The following B4GALNT3 variants were observed in gnomAD, a reference collection of about 807,000 sequenced individuals.
B4GALNT3 encodes beta-1,4-N-acetyl-galactosaminyltransferase 3.
Under a neutral mutation model 120.2 loss-of-function variants are expected in B4GALNT3, and 86 were observed. The observed-to-expected ratio is 0.72, with a 90% CI of 0.60 to 0.86. B4GALNT3 has a LOEUF of 0.86. B4GALNT3 is among the 40% of genes least tolerant of loss of function. B4GALNT3 has a pLI of 0.00. For missense variants in B4GALNT3, 1,167 were observed against 1,298.9 expected (o/e 0.90, Z 1.56); for synonymous variants, 518 against 510.4 (o/e 1.01, Z -0.20).
At chr12:534,395 T>TCC (rs1407839845) in intron 1 of B4GALNT3, among the ~76,000 whole-genome samples, 8 of 152,128 alleles carry the variant, frequency 5.3e-5, no homozygotes, top group African/African-American at 1.9e-4. Context: ...GCCGCCGGAC[T>TCC]GATTCTCCCC....
At position 535,257 on chromosome 12, in the gene B4GALNT3, G is replaced by A. The variant is rs757547766; in HGVS notation, c.261G>A (p.Arg87=). Residue 87 remains arginine, a synonymous_variant, in exon 2 of 20, where the codon AGG becomes AGA. Coordinates refer to ENST00000266383, the MANE Select transcript of B4GALNT3 (RefSeq NM_173593.4). The part of the protein sequence containing the change: ...DPHLQFYHPQ[R]LSLEDHDIDQ... ...ACCTCCAGTTCTACCATCCCCAGAG[G>A]CTGAGCCTCGAGGTAGGTGACCAGC... 3.1e-6 allele frequency: 5 copies of A among 1,613,786 alleles called. No homozygotes were observed. The African/African-American group carries it at 5.3e-5, about 17-fold the overall frequency.
intron 1 of B4GALNT3, among the ~76,000 whole-genome samples, chr12:523,379 A>G (rs1946731076): frequency 1.3e-5 from 2 of 152,214 alleles, no homozygotes; most frequent in Non-Finnish European, 1.5e-5. Flanking sequence ...CCTTTTCTGA[A>G]GCGTGGATGT....
In B4GALNT3 at chr12:480,037, C is replaced by T. The variant is rs1304484252; in HGVS notation, c.169+19492C>T. ...CACGCCATTCTCCTGCCTCAGCCTC[C>T]GGAGTAGCTGGGACTACAGGCGCTC... On this transcript the variant is annotated intron_variant, in intron 1 of 19. Transcript: ENST00000266383. Among the ~76,000 whole-genome samples the T allele has an allele frequency of 2.6e-5, 4 of 151,534 alleles. No homozygotes were observed. In the South Asian group the frequency reaches 6.3e-4, roughly 24 times the overall value.
rs1362062417 is a variant in B4GALNT3 at position 562,482 on chromosome 12, T to C, written c.*1031T>C. Reference sequence around the variant, plus strand: ...AGAGCCCTGGCCACCCGGCCTTGAGTGGAAGAAGAGGAAAGGGTGTACGGG... The same window carrying C: ...AGAGCCCTGGCCACCCGGCCTTGAGCGGAAGAAGAGGAAAGGGTGTACGGG... On this transcript the variant is annotated 3_prime_UTR_variant, in exon 20 of 20. Coordinates refer to ENST00000266383, the MANE Select transcript of B4GALNT3 (RefSeq NM_173593.4). The surrounding 1 kb of genome is among the most constrained non-coding windows in gnomAD (Gnocchi z 5.2). The C allele has an allele frequency of 6.6e-6, 1 of 150,476 alleles. No homozygotes were observed. The highest frequency in any genetic ancestry group is 1.5e-5 in the Non-Finnish European group (1 of 67,712). 9.3% of individuals were successfully genotyped at this position (150,476 alleles called of 1,614,324 possible).
At position 558,496 on chromosome 12, in the gene B4GALNT3, A is replaced by G. The variant is rs779434616; in HGVS notation, c.2608-12A>G. On this transcript the variant is annotated splice_polypyrimidine_tract_variant and intron_variant, in intron 17 of 19. Transcript: ENST00000266383. The stretch of plus-strand genomic sequence containing the variant: ...TGCAGGGTCTGCTGACCCTGCCCAC[A>G]TCTGTCCCCAGGACCCGCACAGCAT... The G allele has an allele frequency of 9.3e-6, 15 of 1,613,398 alleles. No homozygotes were observed. The African/African-American group carries it at 1.2e-4, about 13-fold the overall frequency.
chr12:546,978 C>T, intron 7 of B4GALNT3: 1 of 512,028 alleles, frequency 2.0e-6, no homozygotes, highest in South Asian at 2.2e-5. Flanking sequence ...AATAGGTCTC[C>T]TTCCTCCCAG....
chr12:495,644 A>T (rs930110995), intron 1 of B4GALNT3, among the ~76,000 whole-genome samples: 1 of 152,206 alleles, frequency 6.6e-6, no homozygotes, highest in African/African-American at 2.4e-5. Context: ...AGACTCTAGC[A>T]TGAGCTTCAC....
At chr12:478,731 G>A (rs1445269965) in intron 1 of B4GALNT3, among the ~76,000 whole-genome samples, 1 of 152,186 alleles carries the variant, frequency 6.6e-6, no homozygotes, top group African/African-American at 2.4e-5. Flanking sequence ...ACTTTCTCCA[G>A]CCGGCAGGGT....
At chr12:531,439 A>G (rs2120652125) in intron 1 of B4GALNT3, among the ~76,000 whole-genome samples, 1 of 152,292 alleles carries the variant, frequency 6.6e-6, no homozygotes, top group South Asian at 2.1e-4. Flanking sequence ...ACTTGATCCC[A>G]GGAGTTCAAG....
intron 1 of B4GALNT3, among the ~76,000 whole-genome samples, chr12:465,725 A>G (rs1946071527): frequency 6.6e-6 from 1 of 151,868 alleles, no homozygotes; most frequent in Admixed American, 6.5e-5. Flanking sequence ...TTGAGGTCCC[A>G]TTCCCCTGCT....
chr12:502,306 C>G (rs2120541846), intron 1 of B4GALNT3, among the ~76,000 whole-genome samples: 1 of 152,338 alleles, frequency 6.6e-6, no homozygotes, highest in African/African-American at 2.4e-5. Context: ...CCCTCGGCAT[C>G]AGGTGCTCTG....
intron 1 of B4GALNT3, among the ~76,000 whole-genome samples, chr12:507,210 A>G (rs1019864175): frequency 6.6e-6 from 1 of 152,196 alleles, no homozygotes; most frequent in African/African-American, 2.4e-5. Context: ...CCTACTGGCC[A>G]TGACAGATTT....
chr12:540,905 A>G (rs550334881), intron 3 of B4GALNT3, among the ~76,000 whole-genome samples: 3 of 151,922 alleles, frequency 2.0e-5, no homozygotes, highest in Non-Finnish European at 4.4e-5. Context: ...CACCGCGCCC[A>G]GCTAATTTTT....
chr12:480,955 G>C (rs1297272159), intron 1 of B4GALNT3, among the ~76,000 whole-genome samples: 1 of 152,226 alleles, frequency 6.6e-6, no homozygotes, highest in Non-Finnish European at 1.5e-5. Context: ...CTCCCTGCCT[G>C]CTCGGCAGCC....
chr12:521,772 G>A (rs1279756618), intron 1 of B4GALNT3, among the ~76,000 whole-genome samples: 1 of 152,130 alleles, frequency 6.6e-6, no homozygotes, highest in East Asian at 1.9e-4. Context: ...CTAAGTTCCT[G>A]TACCGGCCTC....
rs150539304 is a variant in B4GALNT3, at chr12:557,623, G to A, written c.2396G>A (p.Arg799His). 124 of 1,610,396 alleles carry A rather than the reference G, an allele frequency of 7.7e-5. No homozygotes were observed. Among genetic ancestry groups the A allele is most frequent in the Non-Finnish European group, 9.5e-5 (112 of 1,178,894 alleles). ...CCTGGGGTAGTGAAGAACCAGGCAC[G>A]CTGGGTACAGCAATTCATCAAAGAC... The part of the protein sequence containing the change: ...HFVVPVKNQA[R>H]WVQQFIKDME... Residue 799 changes from arginine (R) to histidine (H), a missense_variant, in exon 16 of 20, where the codon CGC becomes CAC. By Grantham distance (29) the Arg-to-His change is conservative. Coordinates refer to ENST00000266383, the MANE Select transcript of B4GALNT3 (RefSeq NM_173593.4).
At chr12:475,074 G>A (rs1592011901) in intron 1 of B4GALNT3, among the ~76,000 whole-genome samples, 2 of 151,016 alleles carry the variant, frequency 1.3e-5, no homozygotes, top group African/African-American at 2.4e-5. Flanking sequence ...TGATCTCACC[G>A]CTGTACTCCA....
chr12:475,254 T>C (rs1271676921), intron 1 of B4GALNT3, among the ~76,000 whole-genome samples: 1 of 152,234 alleles, frequency 6.6e-6, no homozygotes, highest in East Asian at 1.9e-4. Flanking sequence ...CTGACCCCTA[T>C]ACATGGATCC....
chr12:556,725 G>T lies in B4GALNT3; in HGVS notation c.2239G>T (p.Ala747Ser). The change falls in exon 15 of 20, where the codon GCC becomes TCC. Residue 747 changes from alanine to serine, a missense_variant. By Grantham distance (99) the Ala-to-Ser change is moderately conservative (BLOSUM62 1). Around this residue, in one of 3 missense-constraint regions of B4GALNT3, gnomAD observed 983 missense variants for 1,102.5 expected, o/e 0.89. Coordinates refer to ENST00000266383, the MANE Select transcript of B4GALNT3 (RefSeq NM_173593.4). ...TCCAGCTGGTGGGGAGGAGGTCGAGGCCCGGAACCTGCAAGGCCTGGTCTG... is the reference window on the plus strand; with the variant it reads ...TCCAGCTGGTGGGGAGGAGGTCGAGTCCCGGAACCTGCAAGGCCTGGTCTG... ...IDPAGGEEVEARNLQGLVWDP... is the reference protein window; with the variant it reads ...IDPAGGEEVESRNLQGLVWDP... 3 of 1,613,862 alleles carry T rather than the reference G, an allele frequency of 1.9e-6. No individual in the cohort carries two copies. Among genetic ancestry groups the T allele is most frequent in the Non-Finnish European group, 2.5e-6 (3 of 1,180,000 alleles).
Sources: allele counts gnomAD v4.1 joint callset (sites outside exome capture counted in the v4.1 genomes callset), GRCh38; gene constraint gnomAD v4.1.1; regional missense constraint gnomAD v4.1.1; non-coding constraint Gnocchi (gnomAD v3.1); transcripts MANE v1.5; gene names NCBI Gene and HGNC (gene_info 2026-07-23, HGNC 2026-07-21).